The following SMARCD3 variants were observed in gnomAD, a reference collection of about 807,000 sequenced individuals.
SMARCD3 encodes SWI/SNF related BAF chromatin remodeling complex subunit D3, also known as SWI/SNF-related matrix-associated actin-dependent regulator of chromatin subfamily D member 3.
Under a neutral mutation model 58.0 loss-of-function variants are expected in SMARCD3, and 14 were observed. That is an observed-to-expected ratio of 0.24 (90% CI 0.16 to 0.38). SMARCD3 has a LOEUF of 0.38. Ranked by LOEUF, SMARCD3 falls within the 10% of genes least tolerant of loss-of-function variation. The probability of loss-of-function intolerance (pLI) is 1.00; values close to 1 mark genes in which losing one functional copy is unlikely to be tolerated. For synonymous variants in SMARCD3, 253 were observed against 253.8 expected, an observed-to-expected ratio of 1.00 and a Z score of 0.03; for missense variants, 408 against 636.9, an observed-to-expected ratio of 0.64 and a Z score of 3.87.
chr7:151,268,544 G>C (rs1795065635), intron 2 of SMARCD3, among the ~76,000 whole-genome samples: 1 of 152,160 alleles, frequency 6.6e-6, no homozygotes, highest in Non-Finnish European at 1.5e-5. Flanking sequence ...CCTGAATAAA[G>C]GGGTGGCTGT....
Position 151,242,097 on chromosome 7 carries a change from G to C in SMARCD3, c.675+40C>G, listed in dbSNP as rs1803021511. The C allele has an allele frequency of 6.4e-7, 1 of 1,556,284 alleles. No homozygotes were observed. The highest frequency in any genetic ancestry group is 1.7e-5 in the Admixed American group (1 of 59,900). ...GTTCTTCAGGGATTCTGGCCTGTGG[G>C]AGGGTGGCAATTCAAGGGCGGAGGG... On this transcript the variant is annotated intron_variant, in intron 6 of 12. Coordinates refer to ENST00000262188, the MANE Select transcript of SMARCD3 (RefSeq NM_001003801.2). The surrounding 1 kb of genome is among the most constrained non-coding windows in gnomAD (Gnocchi z 4.7).
chr7:151,259,399 GTGTGTGTGTGTA>G (rs1048837886), intron 2 of SMARCD3, among the ~76,000 whole-genome samples: 19 of 144,606 alleles, frequency 1.3e-4, no homozygotes, highest in Admixed American at 6.7e-4. Flanking sequence ...GGGGCTGTGT[GTGTGTGTGTGTA>G]TGTGTGTGTG....
At position 151,240,132 on chromosome 7, in the gene SMARCD3, TCTC is replaced by T. The variant is rs1802896152; in HGVS notation, c.1150_1152del (p.Glu384del). The T allele has an allele frequency of 6.2e-7, 1 of 1,613,944 alleles. No homozygotes were observed. Among genetic ancestry groups the T allele is most frequent in the African/African-American group, 1.3e-5 (1 of 74,880 alleles). On this transcript the variant is annotated inframe_deletion, in exon 10 of 13. Coordinates refer to ENST00000262188, the MANE Select transcript of SMARCD3 (RefSeq NM_001003801.2). ...CCCACCTTACTGTCCAGAGCACTGA[TCTC>T]CTGCTGGTTGGCCGTGGATAGGAGG... is the stretch of plus-strand genomic sequence containing the variant.
At chr7:151,252,646 T>C (rs979583065), upstream of SMARCD3, among the ~76,000 whole-genome samples, 1 of 152,118 alleles carries the variant, frequency 6.6e-6, no homozygotes, top group African/African-American at 2.4e-5. Flanking sequence ...TGGCTAGTCC[T>C]TGGGGTCACG....
intron 2 of SMARCD3, among the ~76,000 whole-genome samples, chr7:151,266,126 G>C (rs897858613): frequency 2.0e-5 from 3 of 151,880 alleles, no homozygotes; most frequent in African/African-American, 7.3e-5. Flanking sequence ...CGTGCCACCA[G>C]GCCCAGCTAA....
chr7:151,267,179 C>T (rs1410922243), intron 2 of SMARCD3, among the ~76,000 whole-genome samples: 1 of 152,220 alleles, frequency 6.6e-6, no homozygotes, highest in Admixed American at 6.5e-5. Context: ...TGTCAAACAC[C>T]TCCAAATTAA....
chr7:151,274,695 C>T (rs549344405), intron 2 of SMARCD3, among the ~76,000 whole-genome samples: 32 of 152,282 alleles, frequency 2.1e-4, no homozygotes, highest in East Asian at 7.7e-4. Flanking sequence ...AGCATGTGCA[C>T]GTATGTGCAC....
At chr7:151,260,092 A>C (rs924775702) in intron 2 of SMARCD3, among the ~76,000 whole-genome samples, 4 of 152,172 alleles carry the variant, frequency 2.6e-5, no homozygotes, top group African/African-American at 9.7e-5. Flanking sequence ...TGACTTGCCA[A>C]AATTCACTGT....
Position 151,239,755 on chromosome 7 carries a change from A to T in SMARCD3, c.1174-9T>A. The T allele has an allele frequency of 6.2e-7, 1 of 1,613,524 alleles. No homozygotes were observed. The highest frequency in any genetic ancestry group is 1.7e-5 in the Admixed American group (1 of 60,000). ...TCAATCGTCTCATGGATCTGCAGGT[A>T]GAAAGATAGATGCTTTCCACCTGGC... is the stretch of plus-strand genomic sequence containing the variant. On this transcript the variant is annotated splice_polypyrimidine_tract_variant and intron_variant, in intron 10 of 12. Coordinates refer to ENST00000262188, the MANE Select transcript of SMARCD3 (RefSeq NM_001003801.2). This position sits in a 1 kb window ranked among gnomAD's most constrained non-coding sequence, Gnocchi z 7.0.
At chr7:151,260,526 G>A (rs1803882818) in intron 2 of SMARCD3, among the ~76,000 whole-genome samples, 1 of 152,094 alleles carries the variant, frequency 6.6e-6, no homozygotes, top group South Asian at 2.1e-4. Context: ...GTTAAACTTG[G>A]AACAAGCCCC....
intron 8 of SMARCD3, 154 bp from the exon 9 acceptor site, chr7:151,240,676 G>T: frequency 1.6e-6 from 1 of 615,618 alleles, no homozygotes; most frequent in Non-Finnish European, 2.9e-6. Flanking sequence ...GGCTGGTCTG[G>T]TGGTGGAGCC....
intron 8 of SMARCD3, chr7:151,240,966 A>ATTT: frequency 4.3e-6 from 1 of 232,246 alleles, no homozygotes; most frequent in Non-Finnish European, 8.6e-6. Flanking sequence ...ATCAACTGCT[A>ATTT]TTTTTACTCC....
At position 151,241,921 on chromosome 7, in the gene SMARCD3, C is replaced by G; in HGVS notation, c.733G>C (p.Asp245His). 6.2e-7 allele frequency: 1 copy of G among 1,612,878 alleles called. No individual in the cohort carries two copies. Among genetic ancestry groups the G allele is most frequent in the Non-Finnish European group, 8.5e-7 (1 of 1,179,540 alleles). ...AGCAGCGTGCAGCGCACACTCAGGT[C>G]CCCAGGCCGTTTCACCTGGAAGCCG... ...TDGFQVKRPG[D>H]LSVRCTLLLM... The change falls in exon 7 of 13, where the codon GAC becomes CAC. Residue 245 changes from aspartate to histidine, a missense_variant. By Grantham distance (81) the Asp-to-His change is moderately conservative (BLOSUM62 -1). Coordinates refer to ENST00000262188, the MANE Select transcript of SMARCD3 (RefSeq NM_001003801.2). The surrounding 1 kb of genome is among the most constrained non-coding windows in gnomAD (Gnocchi z 5.3).
chr7:151,270,117 G>A (rs1795130604), intron 2 of SMARCD3, among the ~76,000 whole-genome samples: 1 of 152,144 alleles, frequency 6.6e-6, no homozygotes, highest in Non-Finnish European at 1.5e-5. Flanking sequence ...GGGAGAAAGG[G>A]GTTTCTCCCT....
chr7:151,246,145 G>A lies in SMARCD3; in HGVS notation c.79-474C>T, dbSNP rs1803250958. The A allele has an allele frequency of 6.6e-6, 1 of 152,186 alleles. No individual in the cohort carries two copies. Among genetic ancestry groups the A allele is most frequent in the Admixed American group, 6.5e-5 (1 of 15,278 alleles). 9.4% of individuals were successfully genotyped at this position (152,186 alleles called of 1,614,324 possible). A position where few individuals can be genotyped will look rare whatever the true frequency, so the allele number is the denominator to read the frequency against. ...AGCCCCTGAAGGGCTGCCTCCTGGG[G>A]GCCCAGGGCTTTGCTCTCTGCGGCT... On this transcript the variant is annotated intron_variant, in intron 1 of 12. Coordinates refer to ENST00000262188, the MANE Select transcript of SMARCD3 (RefSeq NM_001003801.2). This position sits in a 1 kb window ranked among gnomAD's most constrained non-coding sequence, Gnocchi z 4.4.
chr7:151,245,683 C>A lies in SMARCD3; in HGVS notation c.79-12G>T. 1 of 228,310 alleles carries A rather than the reference C, an allele frequency of 4.4e-6. No individual in the cohort carries two copies. 14.1% of individuals were successfully genotyped at this position (228,310 alleles called of 1,614,324 possible). On this transcript the variant is annotated splice_polypyrimidine_tract_variant and intron_variant, in intron 1 of 12. Coordinates refer to ENST00000262188, the MANE Select transcript of SMARCD3 (RefSeq NM_001003801.2). This position sits in a 1 kb window ranked among gnomAD's most constrained non-coding sequence, Gnocchi z 6.2. ...GGCATCCCGGGGCGCTGGGGGTGGG[C>A]GGGGGTGAAGCAGAAACGGGCGCCC...
In SMARCD3 at chr7:151,245,715, C is replaced by A; in HGVS notation, c.79-44G>T. On this transcript the variant is annotated intron_variant, in intron 1 of 12. Coordinates refer to ENST00000262188, the MANE Select transcript of SMARCD3 (RefSeq NM_001003801.2). This position sits in a 1 kb window ranked among gnomAD's most constrained non-coding sequence, Gnocchi z 6.2. ...GAAGCAGAAACGGGCGCCCGTGGGT[C>A]AGACCAGGGCCCCCCGCTCCAGGCG... is the stretch of plus-strand genomic sequence containing the variant. The A allele has an allele frequency of 2.2e-6, 1 of 465,070 alleles. No homozygotes were observed. The highest frequency in any genetic ancestry group is 1.1e-4 in the South Asian group (1 of 9,134). The allele number at this position is 465,070 out of a possible 1,614,324, so 28.8% of individuals were successfully genotyped here.
In SMARCD3 at chr7:151,239,578, C is replaced by T. The variant is rs1802848839; in HGVS notation, c.1296+46G>A. 1 of 1,613,496 alleles carries T rather than the reference C, an allele frequency of 6.2e-7. No individual in the cohort carries two copies. The highest frequency in any genetic ancestry group is 8.5e-7 in the Non-Finnish European group (1 of 1,179,656). ...AGTACAACGTTTACTCTCTTTCCCG[C>T]TGTGCTTGTCTTCCACTCCAGTACT... On this transcript the variant is annotated intron_variant, in intron 11 of 12. Transcript: ENST00000262188. This position sits in a 1 kb window ranked among gnomAD's most constrained non-coding sequence, Gnocchi z 7.0.
intron 2 of SMARCD3, among the ~76,000 whole-genome samples, chr7:151,259,403 GTGTGTGTA>G (rs1157001710): frequency 7.2e-4 from 105 of 145,584 alleles, no homozygotes; most frequent in African/African-American, 2.8e-3. Flanking sequence ...CTGTGTGTGT[GTGTGTGTA>G]TGTGTGTGTG....
Sources: gnomAD v4.1 joint callset for allele counts (sites outside exome capture counted in the v4.1 genomes callset) on GRCh38, gnomAD v4.1.1 for gene constraint, Gnocchi (gnomAD v3.1) non-coding constraint, MANE v1.5 for transcripts, NCBI Gene and HGNC (gene_info 2026-07-23, HGNC 2026-07-21) for gene names.